ZBTB7C: variants seen among roughly 807,000 people sequenced by gnomAD.
ZBTB7C encodes zinc finger and BTB domain containing 7C.
ZBTB7C carries 8 observed loss-of-function variants against 25.7 expected under a neutral mutation model. The ratio of observed to expected loss-of-function variants is 0.31; its 90% CI spans 0.18 to 0.56. ZBTB7C has a LOEUF of 0.56. Ranked by LOEUF, ZBTB7C falls within the 20% of genes least tolerant of loss-of-function variation. The probability of loss-of-function intolerance (pLI) is 0.91; values close to 1 mark genes in which losing one functional copy is unlikely to be tolerated. For synonymous variants in ZBTB7C, 394 were observed against 369.0 expected (o/e 1.07, Z -0.78); for missense variants, 824 against 855.2 (o/e 0.96, Z 0.46).
intron 3 of ZBTB7C, among the ~76,000 whole-genome samples, chr18:48,166,201 A>AAGC (rs1405292710): frequency 1.2e-5 from 1 of 82,982 alleles, no homozygotes; most frequent in Non-Finnish European, 2.5e-5. Context: ...TCATCAACCC[A>AAGC]AACAACTCTG....
In ZBTB7C at chr18:48,121,467, A is replaced by C. The variant is rs547547523; in HGVS notation, c.-17+64467T>G. ...TTAAAGGCAAATTTAAGCGATGTAC[A>C]CATTAGAACTACTCCCAGCCCCCAC... On this transcript the variant is annotated intron_variant, in intron 3 of 4. Transcript: ENST00000590800. Among the ~76,000 whole-genome samples, 47 of 152,068 alleles carry C rather than the reference A, an allele frequency of 3.1e-4. 3 individuals are homozygous for C. In the South Asian group the frequency reaches 9.6e-3, roughly 31 times the overall value.
chr18:48,115,784 A>G (rs1259610583), intron 3 of ZBTB7C, among the ~76,000 whole-genome samples: 2 of 152,082 alleles, frequency 1.3e-5, no homozygotes, highest in East Asian at 3.9e-4. Flanking sequence ...TCTGTGTTTT[A>G]CTTTCTGGGG....
rs549070997 is a variant in ZBTB7C, at chr18:48,065,339, A to T, written c.-16-24216T>A. 2.3e-3 allele frequency among the ~76,000 whole-genome samples: 350 copies of T among 151,342 alleles called. 3 individuals carry two copies. Among genetic ancestry groups the T allele is most frequent in the African/African-American group, 8.1e-3 (332 of 40,790 alleles). On this transcript the variant is annotated intron_variant, in intron 3 of 4. Coordinates refer to ENST00000590800, the MANE Select transcript of ZBTB7C (RefSeq NM_001318841.2). ...CAATGAATCTCTCTCTCTCTCTCAC[A>T]CACACACACACACACAAACACACAC...
intron 3 of ZBTB7C, among the ~76,000 whole-genome samples, chr18:48,071,547 A>C (rs1052921949): frequency 6.6e-6 from 1 of 152,252 alleles, no homozygotes; most frequent in Admixed American, 6.5e-5. Context: ...TGGTAGGAAT[A>C]TAAAATGCTG....
intron 3 of ZBTB7C, among the ~76,000 whole-genome samples, chr18:48,083,279 T>C (rs2038059597): frequency 6.6e-6 from 1 of 152,166 alleles, no homozygotes; most frequent in Non-Finnish European, 1.5e-5. Context: ...CCTTAAATGA[T>C]TGATTTCCAA....
At chr18:48,221,620 T>C (rs1599131630) in intron 2 of ZBTB7C, among the ~76,000 whole-genome samples, 1 of 151,042 alleles carries the variant, frequency 6.6e-6, no homozygotes, top group Middle Eastern at 3.5e-3. Context: ...CCCAGTCTCC[T>C]CTATACTGTC....
intron 2 of ZBTB7C, among the ~76,000 whole-genome samples, chr18:48,260,137 A>ACT (rs1157734824): frequency 6.6e-6 from 1 of 152,224 alleles, no homozygotes; most frequent in Non-Finnish European, 1.5e-5. Context: ...TGGATAAACA[A>ACT]CCATGGAATA....
At chr18:48,161,187 T>C (rs1055385875) in intron 3 of ZBTB7C, among the ~76,000 whole-genome samples, 4 of 151,262 alleles carry the variant, frequency 2.6e-5, no homozygotes, top group Admixed American at 2.6e-4. Flanking sequence ...CCTCCTGGGC[T>C]GACTCAAGGT....
chr18:48,209,914 A>G (rs990813624), intron 2 of ZBTB7C, among the ~76,000 whole-genome samples: 1 of 152,248 alleles, frequency 6.6e-6, no homozygotes, highest in Non-Finnish European at 1.5e-5. Context: ...TTTGAAAATC[A>G]TATATATCTG....
At chr18:48,057,558 T>C (rs964435031) in intron 3 of ZBTB7C, among the ~76,000 whole-genome samples, 6 of 152,132 alleles carry the variant, frequency 3.9e-5, no homozygotes, top group African/African-American at 1.4e-4. Context: ...ACTGGAGAGG[T>C]TGGAAGGCTG....
At chr18:48,143,968 CT>C (rs1243242250) in intron 3 of ZBTB7C, among the ~76,000 whole-genome samples, 1 of 152,224 alleles carries the variant, frequency 6.6e-6, no homozygotes, top group East Asian at 1.9e-4. Context: ...GGGAGTACCC[CT>C]ATTGCAGTAG....
intron 3 of ZBTB7C, among the ~76,000 whole-genome samples, chr18:48,050,975 T>G (rs1401942298): frequency 6.6e-6 from 1 of 152,114 alleles, no homozygotes; most frequent in African/African-American, 2.4e-5. Flanking sequence ...AAGCTCCTGC[T>G]GGTGAATTGA....
chr18:48,107,480 G>A (rs1428203985), intron 3 of ZBTB7C, among the ~76,000 whole-genome samples: 1 of 152,066 alleles, frequency 6.6e-6, no homozygotes. Flanking sequence ...ACACAGCACT[G>A]CCAGGCACAC....
chr18:48,290,792 G>A (rs1245904107), intron 2 of ZBTB7C, among the ~76,000 whole-genome samples: 2 of 152,172 alleles, frequency 1.3e-5, no homozygotes, highest in African/African-American at 2.4e-5. Context: ...AGGACAGCCC[G>A]CGGAAAGCCA....
intron 1 of ZBTB7C, among the ~76,000 whole-genome samples, chr18:48,385,164 G>A (rs1228903572): frequency 2.0e-5 from 3 of 152,302 alleles, no homozygotes; most frequent in Non-Finnish European, 2.9e-5. Flanking sequence ...TGGGGTTACC[G>A]CGATGGCCTT....
intron 3 of ZBTB7C, among the ~76,000 whole-genome samples, chr18:48,090,764 C>A (rs2038382025): frequency 6.6e-6 from 1 of 151,112 alleles, no homozygotes; most frequent in Non-Finnish European, 1.5e-5. Flanking sequence ...CCAGACAGAC[C>A]CACCCCTTGC....
At chr18:48,058,405 C>T (rs1346466579) in intron 3 of ZBTB7C, among the ~76,000 whole-genome samples, 1 of 152,192 alleles carries the variant, frequency 6.6e-6, no homozygotes, top group African/African-American at 2.4e-5. Flanking sequence ...GATATAATTT[C>T]CCAGTTCTCT....
intron 3 of ZBTB7C, among the ~76,000 whole-genome samples, chr18:48,181,945 T>C (rs1338450335): frequency 2.0e-5 from 3 of 152,234 alleles, no homozygotes; most frequent in Non-Finnish European, 4.4e-5. Context: ...TTGTCATTAA[T>C]TGAATTATTT....
rs775636512 is a variant in ZBTB7C, at chr18:48,040,318, A to T, written c.790T>A (p.Phe264Ile). ...DFFPHLWPGDFGAFAQLPEQP... is the reference protein window; with the variant it reads ...DFFPHLWPGDIGAFAQLPEQP... ...TCAGGCAGCTGGGCAAAGGCACCGAAGTCCCCTGGCCAGAGGTGTGGAAAG... is the reference window on the plus strand; with the variant it reads ...TCAGGCAGCTGGGCAAAGGCACCGATGTCCCCTGGCCAGAGGTGTGGAAAG... The change falls in exon 4 of 5, where the codon TTC (phenylalanine) becomes ATC (isoleucine). Residue 264 changes from phenylalanine to isoleucine, a missense_variant. Physicochemically the swap from Phe to Ile is conservative, Grantham distance 21. This residue lies in a region of ZBTB7C where 316 missense variants were observed against 299.2 expected (regional missense o/e 1.06). Transcript: ENST00000590800. The T allele has an allele frequency of 1.3e-6, 2 of 1,588,224 alleles. No individual in the cohort carries two copies.
Sources: allele counts gnomAD v4.1 joint callset (sites outside exome capture counted in the v4.1 genomes callset), GRCh38; gene constraint gnomAD v4.1.1; regional missense constraint gnomAD v4.1.1; transcripts MANE v1.5; gene names NCBI Gene and HGNC (gene_info 2026-07-23, HGNC 2026-07-21).